The following STAG1 variants were observed in gnomAD, a reference collection of about 807,000 sequenced individuals.
The protein encoded by STAG1 is STAG1 cohesin complex component.
Under a neutral mutation model 170.9 loss-of-function variants are expected in STAG1, and 26 were observed. The observed-to-expected ratio is 0.15, with a 90% CI of 0.11 to 0.21. The LOEUF is 0.21. Ranked by LOEUF, STAG1 falls within the 10% of genes least tolerant of loss-of-function variation. The pLI, the probability that STAG1 is intolerant of heterozygous loss-of-function variation, is 1.00. For synonymous variants in STAG1, 514 were observed against 497.7 expected, an observed-to-expected ratio of 1.03 and a Z score of -0.44; for missense variants, 964 against 1,509.5, an observed-to-expected ratio of 0.64 and a Z score of 5.99.
chr3:136,526,496 C>T (rs1426057322), intron 6 of STAG1, among the ~76,000 whole-genome samples: 2 of 152,302 alleles, frequency 1.3e-5, no homozygotes, highest in African/African-American at 4.8e-5. Flanking sequence ...TGTCTCTGCA[C>T]TTGAGATGGG....
intron 10 of STAG1, among the ~76,000 whole-genome samples, chr3:136,475,866 G>C (rs1192521563): frequency 2.0e-5 from 3 of 152,174 alleles, no homozygotes; most frequent in Non-Finnish European, 4.4e-5. Flanking sequence ...TCAAAGCCAA[G>C]TGTTGCCTCT....
intron 30 of STAG1, among the ~76,000 whole-genome samples, chr3:136,342,575 G>A (rs373983481): frequency 4.6e-5 from 7 of 152,340 alleles, no homozygotes; most frequent in South Asian, 4.1e-4. Flanking sequence ...TCTGCCTCCC[G>A]AGTTCAAGCA....
chr3:136,359,031 C>T (rs952431624), intron 27 of STAG1, 117 bp downstream of exon 27: 3 of 877,888 alleles, frequency 3.4e-6, no homozygotes, highest in Non-Finnish European at 4.9e-6. Context: ...AAACTAATCT[C>T]CAAAGTTCTT....
intron 4 of STAG1, among the ~76,000 whole-genome samples, chr3:136,580,626 CG>C (rs1559890230): frequency 6.7e-6 from 1 of 149,314 alleles, no homozygotes; most frequent in Non-Finnish European, 1.5e-5. Context: ...CTCCGCTTCC[CG>C]GGTTCACGCC....
intron 23 of STAG1, among the ~76,000 whole-genome samples, chr3:136,370,941 C>A (rs934530480): frequency 1.3e-5 from 2 of 152,224 alleles, no homozygotes; most frequent in African/African-American, 4.8e-5. Context: ...GCCACACTGA[C>A]TTCCACAATG....
intron 21 of STAG1, among the ~76,000 whole-genome samples, chr3:136,404,467 C>T (rs1272903770): frequency 6.6e-6 from 1 of 152,148 alleles, no homozygotes; most frequent in East Asian, 1.9e-4. Context: ...ACTTCGGTCC[C>T]TGAATGACTG....
At chr3:136,566,237 A>C (rs865775877) in intron 5 of STAG1, among the ~76,000 whole-genome samples, 4 of 152,148 alleles carry the variant, frequency 2.6e-5, no homozygotes, top group Non-Finnish European at 1.5e-5. Context: ...GACCCTCATG[A>C]ATGAGATTAG....
At chr3:136,476,810 G>T in intron 10 of STAG1, among the ~76,000 whole-genome samples, 1 of 151,966 alleles carries the variant, frequency 6.6e-6, no homozygotes, top group Admixed American at 6.6e-5. Context: ...ACTTATTCAG[G>T]ATTACTTATA....
At chr3:136,396,250 C>G (rs1270308232) in intron 22 of STAG1, among the ~76,000 whole-genome samples, 4 of 133,748 alleles carry the variant, frequency 3.0e-5, no homozygotes, top group Non-Finnish European at 3.1e-5. Context: ...GAGTCTCGCT[C>G]TGTCGCCCAG....
intron 1 of STAG1, among the ~76,000 whole-genome samples, chr3:136,723,934 G>A (rs1414712408): frequency 7.4e-5 from 11 of 149,240 alleles, no homozygotes; most frequent in African/African-American, 1.2e-4. Flanking sequence ...TGAGGTGGGG[G>A]GGTCAGCCCC....
At chr3:136,545,601 T>G (rs1018205977) in intron 5 of STAG1, among the ~76,000 whole-genome samples, 1 of 152,084 alleles carries the variant, frequency 6.6e-6, no homozygotes, top group Non-Finnish European at 1.5e-5. Flanking sequence ...TTTTCAAGAT[T>G]TGAGGAGGGG....
chr3:136,569,978 GGATT>G (rs1454077020), intron 4 of STAG1, among the ~76,000 whole-genome samples: 2 of 152,076 alleles, frequency 1.3e-5, no homozygotes, highest in Non-Finnish European at 2.9e-5. Flanking sequence ...CCAGTGGGCA[GGATT>G]GTTTGAGATT....
chr3:136,544,237 C>T (rs1458410206), intron 5 of STAG1, among the ~76,000 whole-genome samples: 1 of 152,110 alleles, frequency 6.6e-6, no homozygotes, highest in African/African-American at 2.4e-5. Flanking sequence ...TTCTTATCCT[C>T]ATATATATGA....
intron 1 of STAG1, among the ~76,000 whole-genome samples, chr3:136,712,094 T>C (rs1012659821): frequency 6.6e-6 from 1 of 152,220 alleles, no homozygotes; most frequent in East Asian, 1.9e-4. Context: ...CTCGGCTCAC[T>C]GCAACCTCTG....
intron 14 of STAG1, among the ~76,000 whole-genome samples, chr3:136,449,669 C>G (rs916516624): frequency 1.3e-5 from 2 of 151,992 alleles, no homozygotes; most frequent in Non-Finnish European, 2.9e-5. Flanking sequence ...TACAGTAAGA[C>G]CATCTGAAAA....
intron 30 of STAG1, 106 bp downstream of exon 30, chr3:136,343,723 TATC>T (rs1936096199): frequency 2.6e-6 from 2 of 783,516 alleles, no homozygotes; most frequent in African/African-American, 3.6e-5. Context: ...GTTTGTGGCT[TATC>T]ATGAACTGAC....
chr3:136,675,092 T>C (rs900165395), intron 1 of STAG1, among the ~76,000 whole-genome samples: 1 of 152,186 alleles, frequency 6.6e-6, no homozygotes, highest in African/African-American at 2.4e-5. Context: ...TTCCAAAGTG[T>C]GAATATTAAG....
At position 136,752,227 on chromosome 3, in the gene STAG1, G is replaced by T; in HGVS notation, c.-116C>A. ...GCCCATCCGGGCGCCGCCGACCATC[G>T]ACCTAGTTTCCCCCCAAAAGTCTCC... On this transcript the variant is annotated 5_prime_UTR_variant, in exon 1 of 34. Transcript: ENST00000383202. 6.5e-6 allele frequency: 1 copy of T among 153,050 alleles called. No individual in the cohort carries two copies. Among genetic ancestry groups the T allele is most frequent in the South Asian group, 1.8e-4 (1 of 5,462 alleles). The allele number at this position is 153,050 out of a possible 1,614,324, so 9.5% of individuals were successfully genotyped here. A position where few individuals can be genotyped will look rare whatever the true frequency, so the allele number is the denominator to read the frequency against.
At chr3:136,709,608 AC>A (rs1476720120) in intron 1 of STAG1, among the ~76,000 whole-genome samples, 2 of 151,976 alleles carry the variant, frequency 1.3e-5, no homozygotes, top group East Asian at 3.9e-4. Context: ...GGTGGCATAC[AC>A]CCGTTGTCCC....
Sources: gnomAD v4.1 joint callset for allele counts (sites outside exome capture counted in the v4.1 genomes callset) on GRCh38, gnomAD v4.1.1 for gene constraint, MANE v1.5 for transcripts, NCBI Gene and HGNC (gene_info 2026-07-23, HGNC 2026-07-21) for gene names.